KIF5C: variants seen among roughly 807,000 people sequenced by gnomAD.
The protein encoded by KIF5C is kinesin family member 5C.
KIF5C carries 18 observed loss-of-function variants against 125.2 expected under a neutral mutation model. That is an observed-to-expected ratio of 0.14 (90% CI 0.10 to 0.21). The LOEUF is 0.21. Ranked by LOEUF, KIF5C falls within the 10% of genes least tolerant of loss-of-function variation. KIF5C has a pLI of 1.00. For synonymous variants in KIF5C, 405 were observed against 434.0 expected, an observed-to-expected ratio of 0.93 and a Z score of 0.83; for missense variants, 780 against 1,183.8, an observed-to-expected ratio of 0.66 and a Z score of 5.01.
rs531799763 is a variant in KIF5C at position 148,980,389 on chromosome 2, A to G, written c.1363-966A>G. ...CTCCTTAACATTTTTCTTTTTCTAT[A>G]CTATCAAGGCAGTATCTGTTCAATA... On this transcript the variant is annotated intron_variant, in intron 13 of 25. Coordinates refer to ENST00000435030, the MANE Select transcript of KIF5C (RefSeq NM_004522.3). 1.3e-4 allele frequency among the ~76,000 whole-genome samples: 20 copies of G among 152,244 alleles called. No homozygotes were observed. In the East Asian group the frequency reaches 3.7e-3, roughly 28 times the overall value.
At chr2:148,886,652 G>A (rs1681536839) in intron 1 of KIF5C, among the ~76,000 whole-genome samples, 1 of 152,160 alleles carries the variant, frequency 6.6e-6, no homozygotes, top group South Asian at 2.1e-4. Flanking sequence ...CATCATGATA[G>A]CATCAAATCC....
intron 11 of KIF5C, 134 bp downstream of exon 11, chr2:148,962,253 C>T: frequency 7.7e-7 from 1 of 1,300,876 alleles, no homozygotes; most frequent in Non-Finnish European, 1.0e-6. Context: ...GCAACCTCTG[C>T]CTCCAGGGTT....
Position 149,010,259 on chromosome 2 carries a change from G to A in KIF5C, c.2675G>A (p.Arg892Gln), listed in dbSNP as rs777411017. ...AAGGAGGCCAAGGAGAACGCCATGC[G>A]GGACCGTAAGCGCTACCAGCAGGAG... The part of the protein sequence containing the change: ...ALKEAKENAM[R>Q]DRKRYQQEVD... Residue 892 changes from arginine to glutamine, a missense_variant, in exon 24 of 26, where the codon CGG becomes CAG. Transcript: ENST00000435030. The A allele has an allele frequency of 1.1e-4, 178 of 1,592,128 alleles. No homozygotes were observed. The highest frequency in any genetic ancestry group is 1.7e-4 in the Middle Eastern group (1 of 6,036).
intron 1 of KIF5C, among the ~76,000 whole-genome samples, chr2:148,891,974 A>G (rs934131041): frequency 6.6e-6 from 1 of 152,222 alleles, no homozygotes; most frequent in African/African-American, 2.4e-5. Flanking sequence ...CTGGGATTAT[A>G]GGCATGAGCC....
intron 24 of KIF5C, among the ~76,000 whole-genome samples, chr2:149,011,187 AC>A (rs1447546573): frequency 6.6e-6 from 1 of 152,054 alleles, no homozygotes; most frequent in African/African-American, 2.4e-5. Context: ...AAAGCTATGG[AC>A]CCTCTCCCCA....
chr2:148,976,281 A>ATTTATTTG (rs1425536086), intron 12 of KIF5C, among the ~76,000 whole-genome samples: 1 of 142,328 alleles, frequency 7.0e-6, no homozygotes, highest in Non-Finnish European at 1.5e-5. Flanking sequence ...TTATTTATTT[A>ATTTATTTG]TTTTTTGAGA....
At chr2:148,952,052 C>T (rs1047975657) in intron 10 of KIF5C, among the ~76,000 whole-genome samples, 1 of 152,100 alleles carries the variant, frequency 6.6e-6, no homozygotes, top group Non-Finnish European at 1.5e-5. Flanking sequence ...CCTCCCAAAT[C>T]GCTTCCTTGA....
intron 11 of KIF5C, among the ~76,000 whole-genome samples, chr2:148,971,882 T>C (rs1213978420): frequency 6.6e-6 from 1 of 152,202 alleles, no homozygotes; most frequent in Non-Finnish European, 1.5e-5. Context: ...ATGATATATA[T>C]TGTTAATGAA....
intron 23 of KIF5C, among the ~76,000 whole-genome samples, chr2:149,008,962 T>G (rs1313182268): frequency 6.6e-6 from 1 of 151,490 alleles, no homozygotes; most frequent in Non-Finnish European, 1.5e-5. Flanking sequence ...TTTTAAAATT[T>G]ATTTTTATTT....
chr2:149,005,959 G>A (rs1470073917), intron 22 of KIF5C, among the ~76,000 whole-genome samples: 2 of 152,220 alleles, frequency 1.3e-5, no homozygotes, highest in Admixed American at 6.5e-5. Flanking sequence ...TTCTGCAGAT[G>A]TGGAGATAGG....
chr2:148,987,501 G>A (rs936968545), intron 15 of KIF5C, among the ~76,000 whole-genome samples: 5 of 152,180 alleles, frequency 3.3e-5, no homozygotes, highest in African/African-American at 1.2e-4. Context: ...AAGCAGTGGA[G>A]TGAATATTTC....
chr2:148,945,294 G>A (rs1326157064), intron 7 of KIF5C, among the ~76,000 whole-genome samples: 1 of 151,956 alleles, frequency 6.6e-6, no homozygotes, highest in Non-Finnish European at 1.5e-5. Flanking sequence ...TGATCCTTTT[G>A]GAGTAAATTT....
chr2:148,882,762 C>CA (rs752089567), intron 1 of KIF5C, among the ~76,000 whole-genome samples: 4 of 152,186 alleles, frequency 2.6e-5, no homozygotes, highest in Non-Finnish European at 4.4e-5. Flanking sequence ...CCCATTCTGC[C>CA]AGCCAGGTGG....
rs905415272 is a variant in KIF5C at position 148,979,087 on chromosome 2, C to T, written c.1362+97C>T. ...GAATTTAATTGGCATAGAAGCTTTTCATAATTACAGAATCATGTGGAAATT... is the reference window on the plus strand; with the variant it reads ...GAATTTAATTGGCATAGAAGCTTTTTATAATTACAGAATCATGTGGAAATT... On this transcript the variant is annotated intron_variant, in intron 13 of 25. Transcript: ENST00000435030. The T allele has an allele frequency of 3.0e-6, 4 of 1,338,338 alleles. No individual in the cohort carries two copies. In the Admixed American group the frequency reaches 1.4e-4, roughly 46 times the overall value. The allele number at this position is 1,338,338 out of a possible 1,614,324, so 82.9% of individuals were successfully genotyped here. A position where few individuals can be genotyped will look rare whatever the true frequency, so the allele number is the denominator to read the frequency against.
Position 148,971,224 on chromosome 2 carries a change from T to C in KIF5C, c.1118-2112T>C, listed in dbSNP as rs1332627152. Among the ~76,000 whole-genome samples the C allele has an allele frequency of 2.6e-5, 4 of 152,274 alleles. No individual in the cohort carries two copies. In the East Asian group the frequency reaches 7.7e-4, roughly 29 times the overall value. On this transcript the variant is annotated intron_variant, in intron 11 of 25. Coordinates refer to ENST00000435030, the MANE Select transcript of KIF5C (RefSeq NM_004522.3). ...TGTATACTCCACATTGCTTGAGTTG[T>C]TTATGTTAAGAATGTATCCTGAATT...
chr2:148,912,005 C>T (rs1465248186), intron 1 of KIF5C, among the ~76,000 whole-genome samples: 2 of 152,190 alleles, frequency 1.3e-5, no homozygotes, highest in Admixed American at 6.6e-5. Flanking sequence ...ATCCCAACTT[C>T]ACTGCTTAGA....
intron 7 of KIF5C, among the ~76,000 whole-genome samples, chr2:148,945,835 T>A (rs1021417294): frequency 1.3e-5 from 2 of 152,188 alleles, no homozygotes; most frequent in Non-Finnish European, 2.9e-5. Flanking sequence ...AATTTTAGGA[T>A]GGATTTTTCT....
chr2:148,961,051 A>C (rs563796416), intron 10 of KIF5C, among the ~76,000 whole-genome samples: 1 of 152,242 alleles, frequency 6.6e-6, no homozygotes, highest in Admixed American at 6.5e-5. Context: ...GTTACTCTCC[A>C]GGTACATCCC....
chr2:148,971,366 AAAAAG>A (rs1466033806), intron 11 of KIF5C, among the ~76,000 whole-genome samples: 6 of 152,042 alleles, frequency 3.9e-5, no homozygotes, highest in Admixed American at 3.3e-4. Flanking sequence ...TTTAAGAAAA[AAAAAG>A]AACATGGTAC....
Sources: gnomAD v4.1 joint callset for allele counts (sites outside exome capture counted in the v4.1 genomes callset) on GRCh38, gnomAD v4.1.1 for gene constraint, MANE v1.5 for transcripts, NCBI Gene and HGNC (gene_info 2026-07-23, HGNC 2026-07-21) for gene names.